Variants in RSPO2 observed in about 807,000 individuals in gnomAD.
RSPO2 encodes R-spondin-2.
RSPO2 carries 14 observed loss-of-function variants against 30.9 expected under a neutral mutation model. That is an observed-to-expected ratio of 0.45 (90% CI 0.30 to 0.71). RSPO2 has a LOEUF of 0.71. RSPO2 is among the 30% of genes least tolerant of loss of function. The pLI, the probability that RSPO2 is intolerant of heterozygous loss-of-function variation, is 0.08. For missense variants in RSPO2, 264 were observed against 301.9 expected, an observed-to-expected ratio of 0.87 and a Z score of 0.93; for synonymous variants, 107 against 96.4, an observed-to-expected ratio of 1.11 and a Z score of -0.64.
chr8:108,067,153 A>C (rs7005475), intron 2 of RSPO2, among the ~76,000 whole-genome samples: 46,073 of 152,068 alleles, frequency 0.3, 7,817 homozygotes, highest in African/African-American at 0.46. Context: ...GAAGGAAGTA[A>C]TACCCTAGAA....
At chr8:108,035,299 CTCT>C (rs1164309040) in intron 2 of RSPO2, among the ~76,000 whole-genome samples, 3 of 152,174 alleles carry the variant, frequency 2.0e-5, no homozygotes, top group East Asian at 1.9e-4. Flanking sequence ...TGTGCGTCAA[CTCT>C]TTTTTTGGGG....
chr8:108,017,086 G>A (rs895854170), intron 2 of RSPO2, among the ~76,000 whole-genome samples: 5 of 150,388 alleles, frequency 3.3e-5, no homozygotes, highest in Non-Finnish European at 7.4e-5. Context: ...GCGCGATCTC[G>A]GCTCTCTGCA....
At chr8:108,000,866 G>A (rs1365458104) in intron 2 of RSPO2, among the ~76,000 whole-genome samples, 1 of 152,090 alleles carries the variant, frequency 6.6e-6, no homozygotes, top group Non-Finnish European at 1.5e-5. Context: ...ACCAGGTGTG[G>A]TGGTGGGCGC....
At chr8:107,922,705 T>C (rs1812215820) in intron 5 of RSPO2, among the ~76,000 whole-genome samples, 1 of 151,906 alleles carries the variant, frequency 6.6e-6, no homozygotes, top group South Asian at 2.1e-4. Context: ...ACATACTATA[T>C]ACTACGGGGC....
intron 2 of RSPO2, among the ~76,000 whole-genome samples, chr8:107,994,967 G>C (rs1038191907): frequency 6.6e-6 from 1 of 152,182 alleles, no homozygotes; most frequent in East Asian, 1.9e-4. Flanking sequence ...AGATCCACAA[G>C]AGAGTCTTCC....
chr8:108,054,667 C>T (rs1055431347), intron 2 of RSPO2, among the ~76,000 whole-genome samples: 5 of 152,110 alleles, frequency 3.3e-5, no homozygotes, highest in Non-Finnish European at 4.4e-5. Context: ...TACAACAGAG[C>T]AGAGCTAGAT....
intron 2 of RSPO2, among the ~76,000 whole-genome samples, chr8:107,997,779 T>G (rs553469575): frequency 1.3e-5 from 2 of 152,388 alleles, no homozygotes; most frequent in East Asian, 3.9e-4. Context: ...TTAGCCTTTT[T>G]ATGAATTCTG....
At chr8:107,940,084 C>T (rs979028072) in intron 5 of RSPO2, among the ~76,000 whole-genome samples, 2 of 152,056 alleles carry the variant, frequency 1.3e-5, no homozygotes, top group South Asian at 2.1e-4. Flanking sequence ...TTTCACCAAC[C>T]AACAACTTGA....
chr8:107,955,800 A>C (rs1427403195), intron 5 of RSPO2, among the ~76,000 whole-genome samples: 3 of 152,160 alleles, frequency 2.0e-5, no homozygotes, highest in African/African-American at 7.2e-5. Flanking sequence ...AGTGTGAAGG[A>C]GCTTAAGGCT....
At chr8:107,977,349 G>A (rs191288472) in intron 3 of RSPO2, among the ~76,000 whole-genome samples, 59 of 152,192 alleles carry the variant, frequency 3.9e-4, no homozygotes, top group African/African-American at 1.2e-3. Flanking sequence ...GCAAATTCTC[G>A]GGCTCCATCT....
intron 2 of RSPO2, among the ~76,000 whole-genome samples, chr8:108,002,398 T>C (rs994326494): frequency 1.3e-5 from 2 of 152,160 alleles, no homozygotes; most frequent in Non-Finnish European, 2.9e-5. Context: ...TTAAAAACAG[T>C]TTTGCATACT....
Position 108,081,663 on chromosome 8 carries a change from G to C in RSPO2, c.94+882C>G, listed in dbSNP as rs1015655013. 4.5e-4 allele frequency among the ~76,000 whole-genome samples: 68 copies of C among 152,056 alleles called. 1 individual carries two copies. The highest frequency in any genetic ancestry group is 1.5e-5 in the Non-Finnish European group (1 of 67,994). ...CCAGCGGACTCCGAGACAGAAATAC[G>C]CACTAAATCTGCAGGAAAGCGAGTT... On this transcript the variant is annotated intron_variant, in intron 2 of 5. Coordinates refer to ENST00000276659, the MANE Select transcript of RSPO2 (RefSeq NM_178565.5).
At chr8:107,988,924 A>G in intron 3 of RSPO2, 132 bp downstream of exon 3, 1 of 824,734 alleles carries the variant, frequency 1.2e-6, no homozygotes, top group Non-Finnish European at 1.8e-6. Context: ...CACCACACCC[A>G]GCAAGCTTAA....
intron 5 of RSPO2, among the ~76,000 whole-genome samples, chr8:107,924,715 C>T (rs148603119): frequency 1.5e-3 from 227 of 151,986 alleles, no homozygotes; most frequent in African/African-American, 4.0e-3. Flanking sequence ...AAACCTCATA[C>T]GCCAGAGCAG....
At chr8:108,028,493 A>G (rs1811296981) in intron 2 of RSPO2, among the ~76,000 whole-genome samples, 1 of 152,156 alleles carries the variant, frequency 6.6e-6, no homozygotes, top group Non-Finnish European at 1.5e-5. Flanking sequence ...CTGTTCACAC[A>G]TTATTCACAT....
chr8:108,042,389 C>T (rs1037071197), intron 2 of RSPO2, among the ~76,000 whole-genome samples: 5 of 152,120 alleles, frequency 3.3e-5, no homozygotes, highest in Admixed American at 6.6e-5. Context: ...AGCAGGGCTA[C>T]AGAGTAATGA....
chr8:107,922,911 C>T (rs1334273214), intron 5 of RSPO2, among the ~76,000 whole-genome samples: 2 of 152,032 alleles, frequency 1.3e-5, no homozygotes, highest in Non-Finnish European at 2.9e-5. Context: ...TCCTTCCTTA[C>T]AGCATATAAA....
intron 2 of RSPO2, among the ~76,000 whole-genome samples, chr8:108,016,269 C>T (rs1393727259): frequency 6.6e-6 from 1 of 152,098 alleles, no homozygotes; most frequent in Non-Finnish European, 1.5e-5. Context: ...AACGGAAGTA[C>T]ACAAAAACAG....
chr8:108,052,717 T>C (rs1436324655), intron 2 of RSPO2, among the ~76,000 whole-genome samples: 1 of 152,156 alleles, frequency 6.6e-6, no homozygotes, highest in African/African-American at 2.4e-5. Context: ...ATAAACTAGA[T>C]AACTACTATT....
Sources: allele counts gnomAD v4.1 joint callset (sites outside exome capture counted in the v4.1 genomes callset), GRCh38; gene constraint gnomAD v4.1.1; transcripts MANE v1.5; gene names NCBI Gene and HGNC (gene_info 2026-07-23, HGNC 2026-07-21).